The following NACC2 variants were observed in gnomAD, a reference collection of about 807,000 sequenced individuals.
NACC2 encodes the protein NACC family member 2.
NACC2 carries 8 observed loss-of-function variants against 25.1 expected under a neutral mutation model. That is an observed-to-expected ratio of 0.32 (90% CI 0.19 to 0.57). NACC2 has a LOEUF of 0.57. Ranked by LOEUF, NACC2 falls within the 20% of genes least tolerant of loss-of-function variation. The pLI, the probability that NACC2 is intolerant of heterozygous loss-of-function variation, is 0.89. For missense variants in NACC2, 644 were observed against 650.2 expected (o/e 0.99, Z 0.10); for synonymous variants, 435 against 294.7 (o/e 1.48, Z -4.88).
chr9:136,024,502 A>AGGGT (rs752059608), intron 2 of NACC2, among the ~76,000 whole-genome samples: 2 of 23,078 alleles, frequency 8.7e-5, no homozygotes, highest in African/African-American at 1.4e-4. Context: ...GTGAGGACAG[A>AGGGT]ATGTGTGTGT....
At chr9:136,042,441 A>C (rs1187616711) in intron 2 of NACC2, among the ~76,000 whole-genome samples, 1 of 152,092 alleles carries the variant, frequency 6.6e-6, no homozygotes, top group Non-Finnish European at 1.5e-5. Context: ...GCCTGCAGGT[A>C]CGTATTCGAC....
At chr9:136,071,371 C>G (rs570190451) in intron 1 of NACC2, among the ~76,000 whole-genome samples, 2 of 151,976 alleles carry the variant, frequency 1.3e-5, no homozygotes, top group South Asian at 4.2e-4. Context: ...GGTGAAACCC[C>G]GTCTCTACTA....
intron 1 of NACC2, among the ~76,000 whole-genome samples, chr9:136,081,439 A>C (rs1225068489): frequency 1.3e-5 from 2 of 152,180 alleles, no homozygotes; most frequent in African/African-American, 2.4e-5. Context: ...GGAACTCAGC[A>C]CTCGGACCTG....
At chr9:136,031,234 G>C (rs1442263052) in intron 2 of NACC2, among the ~76,000 whole-genome samples, 1 of 152,194 alleles carries the variant, frequency 6.6e-6, no homozygotes, top group Admixed American at 6.5e-5. Context: ...AATGAGGCCA[G>C]ATAATCTTGA....
intron 1 of NACC2, among the ~76,000 whole-genome samples, chr9:136,094,749 G>A (rs991869723): frequency 6.6e-6 from 1 of 151,724 alleles, no homozygotes; most frequent in African/African-American, 2.4e-5. Flanking sequence ...GGGTACCTCC[G>A]CCCTGGCCCC....
At position 136,050,592 on chromosome 9, in the gene NACC2, A is replaced by C; in HGVS notation, c.-59-12T>G. 1 of 710,902 alleles carries C rather than the reference A, an allele frequency of 1.4e-6. No individual in the cohort carries two copies. Among genetic ancestry groups the C allele is most frequent in the Non-Finnish European group, 2.6e-6 (1 of 391,462 alleles). 44.0% of individuals were successfully genotyped at this position (710,902 alleles called of 1,614,324 possible). A position where few individuals can be genotyped will look rare whatever the true frequency, so the allele number is the denominator to read the frequency against. Reference sequence around the variant, plus strand: ...CTAGCGGGGCTCATCTGTGGGGGGCAGGAGGCACGTGGTCAGTTCCTCCAG... The same window carrying C: ...CTAGCGGGGCTCATCTGTGGGGGGCCGGAGGCACGTGGTCAGTTCCTCCAG... On this transcript the variant is annotated splice_polypyrimidine_tract_variant and intron_variant, in intron 1 of 5. Coordinates refer to ENST00000277554, the MANE Select transcript of NACC2 (RefSeq NM_144653.5).
At chr9:136,042,265 G>A (rs1264543894) in intron 2 of NACC2, among the ~76,000 whole-genome samples, 2 of 152,196 alleles carry the variant, frequency 1.3e-5, no homozygotes, top group Non-Finnish European at 2.9e-5. Flanking sequence ...TGGGATTACA[G>A]GTGTGAGCCA....
chr9:136,058,375 C>A (rs1467885034), intron 1 of NACC2, among the ~76,000 whole-genome samples: 1 of 124,590 alleles, frequency 8.0e-6, no homozygotes, highest in Admixed American at 8.1e-5. Context: ...GCCAGGGACC[C>A]GGGATTCCCA....
Position 136,007,325 on chromosome 9 carries a change from C to T in NACC2, c.*4191G>A, listed in dbSNP as rs151255833. The T allele has an allele frequency of 3.6e-4, 56 of 153,854 alleles. No homozygotes were observed. Among genetic ancestry groups the T allele is most frequent in the Middle Eastern group, 1.6e-3 (3 of 1,924 alleles). 9.5% of individuals were successfully genotyped at this position (153,854 alleles called of 1,614,324 possible). ...ATCTTGTACCAAACCCTAAATGCTCCGGTGGTGACGTGCACGCGCGTGCAC... is the reference window on the plus strand; with the variant it reads ...ATCTTGTACCAAACCCTAAATGCTCTGGTGGTGACGTGCACGCGCGTGCAC... On this transcript the variant is annotated 3_prime_UTR_variant, in exon 6 of 6. Coordinates refer to ENST00000277554, the MANE Select transcript of NACC2 (RefSeq NM_144653.5).
At chr9:136,072,647 T>C (rs1588580109) in intron 1 of NACC2, among the ~76,000 whole-genome samples, 3 of 151,254 alleles carry the variant, frequency 2.0e-5, no homozygotes, top group Non-Finnish European at 4.4e-5. Context: ...AGGTCAGGAG[T>C]TCAAGACCAG....
chr9:136,054,142 C>T (rs1446029085), intron 1 of NACC2, among the ~76,000 whole-genome samples: 1 of 152,218 alleles, frequency 6.6e-6, no homozygotes, highest in Non-Finnish European at 1.5e-5. Context: ...ATGCCTGCAA[C>T]CTGCTGTGAC....
chr9:136,032,006 T>C (rs1572290), intron 2 of NACC2, among the ~76,000 whole-genome samples: 50,133 of 145,846 alleles, frequency 0.34, 9,593 homozygotes, highest in Non-Finnish European at 0.43. Context: ...GCAAGGGTCG[T>C]CCTCGGCAGC....
chr9:136,089,766 A>T (rs1830416615), intron 1 of NACC2, among the ~76,000 whole-genome samples: 1 of 147,738 alleles, frequency 6.8e-6, no homozygotes, highest in South Asian at 2.1e-4. Context: ...CTATTTTCTT[A>T]AAAGCTTTTT....
At chr9:136,024,551 CAGTGTGTGTAAGGACAG>C (rs1840358816) in intron 2 of NACC2, among the ~76,000 whole-genome samples, 1 of 129,046 alleles carries the variant, frequency 7.7e-6, no homozygotes, top group Non-Finnish European at 1.6e-5. Context: ...TGTGTGAGGA[CAGTGTGTGTAAGGACAG>C]AGTGTGTGTG....
At chr9:136,014,779 AG>A (rs1840173379) in intron 3 of NACC2, among the ~76,000 whole-genome samples, 1 of 152,134 alleles carries the variant, frequency 6.6e-6, no homozygotes. Context: ...ATGTGTGAAG[AG>A]GAAAACCAGC....
Position 136,087,158 on chromosome 9 carries a change from C to T in NACC2, c.-60+8031G>A, listed in dbSNP as rs535526112. On this transcript the variant is annotated intron_variant, in intron 1 of 5. Transcript: ENST00000277554. ...AAGAAAGGCCCAGGACAGTGGCAGC[C>T]TTGGGAGCTGGAGGGCGGCATGTGA... Among the ~76,000 whole-genome samples the T allele has an allele frequency of 4.1e-4, 63 of 152,350 alleles. 1 individual carries two copies. Among genetic ancestry groups the T allele is most frequent in the African/African-American group, 1.5e-3 (63 of 41,586 alleles).
intron 1 of NACC2, among the ~76,000 whole-genome samples, chr9:136,078,049 G>A (rs554448922): frequency 2.6e-4 from 40 of 152,218 alleles, no homozygotes; most frequent in Non-Finnish European, 3.7e-4. Flanking sequence ...TGGGATTATA[G>A]GCATGAGCCA....
chr9:136,052,957 C>A (rs1238358841), intron 1 of NACC2, among the ~76,000 whole-genome samples: 2 of 152,250 alleles, frequency 1.3e-5, no homozygotes, highest in African/African-American at 4.8e-5. Context: ...CTGAGGCTGA[C>A]CTCTGGACTG....
At chr9:136,038,146 C>T (rs1047946069) in intron 2 of NACC2, among the ~76,000 whole-genome samples, 14 of 152,152 alleles carry the variant, frequency 9.2e-5, no homozygotes, top group South Asian at 6.2e-4. Context: ...TCAGGGGAAG[C>T]GGGGGGAAAT....
Sources: allele counts gnomAD v4.1 joint callset (sites outside exome capture counted in the v4.1 genomes callset), GRCh38; gene constraint gnomAD v4.1.1; transcripts MANE v1.5; gene names NCBI Gene and HGNC (gene_info 2026-07-23, HGNC 2026-07-21).